The following SERPINA11 variants were observed in gnomAD, a reference collection of about 807,000 sequenced individuals.
SERPINA11 encodes serpin A11.
SERPINA11 carries 28 observed loss-of-function variants against 29.4 expected under a neutral mutation model. The ratio of observed to expected loss-of-function variants is 0.95; its 90% confidence interval spans 0.70 to 1.30. SERPINA11 has a LOEUF of 1.30. Ranked by LOEUF, SERPINA11 falls within the 50% of genes most tolerant of loss-of-function variation. The pLI is 0.00. For synonymous variants in SERPINA11, 253 were observed against 206.6 expected, an observed-to-expected ratio of 1.22 and a Z score of -1.92; for missense variants, 530 against 507.3, an observed-to-expected ratio of 1.04 and a Z score of -0.43.
chr14:94,442,864 G>A, intron 4 of SERPINA11, 55 bp from the exon 5 acceptor site: 2 of 1,429,488 alleles, frequency 1.4e-6, no homozygotes, highest in East Asian at 2.3e-5. Flanking sequence ...TCAAGGGGAA[G>A]ACACTGTATT....
Position 94,442,511 on chromosome 14 carries a change from A to G in SERPINA11, c.*95T>C, listed in dbSNP as rs1356329313. The G allele has an allele frequency of 3.5e-6, 3 of 851,410 alleles. No individual in the cohort carries two copies. The African/African-American group carries it at 5.1e-5, about 15-fold the overall frequency. 52.7% of individuals were successfully genotyped at this position (851,410 alleles called of 1,614,324 possible). A position where few individuals can be genotyped will look rare whatever the true frequency, so the allele number is the denominator to read the frequency against. On this transcript the variant is annotated 3_prime_UTR_variant, in exon 5 of 5. Transcript: ENST00000334708. ...TTATTAGAATCTTGGCACACTGATTAACTGAACCACATAGCAGCCCCAGGA... is the reference window on the plus strand; with the variant it reads ...TTATTAGAATCTTGGCACACTGATTGACTGAACCACATAGCAGCCCCAGGA...
At chr14:94,445,236 T>G (rs942402957) in intron 3 of SERPINA11, among the ~76,000 whole-genome samples, 1 of 152,162 alleles carries the variant, frequency 6.6e-6, no homozygotes, top group African/African-American at 2.4e-5. Context: ...AGTTAACCCA[T>G]AGAACCAAGG....
At chr14:94,449,419 T>TTC (rs1898526001) in intron 1 of SERPINA11, among the ~76,000 whole-genome samples, 1 of 67,006 alleles carries the variant, frequency 1.5e-5, no homozygotes, top group Non-Finnish European at 2.7e-5. Context: ...CTTTCTTTCT[T>TTC]TCTTTCTTTC....
chr14:94,446,354 T>A lies in SERPINA11; in HGVS notation c.894A>T (p.Lys298Asn). Reference sequence around the variant, plus strand: ...ACCTGGGCAGGAGCAATTGGCCCCATTTTCTCAGGGTCTGTGGCTGCAGAG... The same window carrying A: ...ACCTGGGCAGGAGCAATTGGCCCCAATTTCTCAGGGTCTGTGGCTGCAGAG... ...EAALQPQTLR[K>N]WGQLLLPSLL... The change falls in exon 3 of 5, where the codon AAA becomes AAT. Residue 298 changes from lysine to asparagine, a missense_variant. Lys to Asn is a moderately conservative substitution (Grantham distance 94). Coordinates refer to ENST00000334708, the MANE Select transcript of SERPINA11 (RefSeq NM_001080451.2). The A allele has an allele frequency of 6.2e-7, 1 of 1,613,506 alleles. No individual in the cohort carries two copies. Among genetic ancestry groups the A allele is most frequent in the Non-Finnish European group, 8.5e-7 (1 of 1,179,954 alleles).
At chr14:94,444,018 C>T (rs1230376456) in intron 3 of SERPINA11, among the ~76,000 whole-genome samples, 1 of 152,184 alleles carries the variant, frequency 6.6e-6, no homozygotes, top group East Asian at 1.9e-4. Context: ...CTCAGAAAAT[C>T]GAATTCAGGT....
At chr14:94,449,390 C>G (rs934976910) in intron 1 of SERPINA11, among the ~76,000 whole-genome samples, 1 of 97,112 alleles carries the variant, frequency 1.0e-5, no homozygotes, top group Non-Finnish European at 2.0e-5. Context: ...GCCTCCCTCC[C>G]TCTTTCTTTC....
chr14:94,450,640 T>C (rs951050109), intron 1 of SERPINA11, among the ~76,000 whole-genome samples: 1 of 152,338 alleles, frequency 6.6e-6, no homozygotes, highest in African/African-American at 2.4e-5. Context: ...CATGTAGTAT[T>C]TATTAAGATA....
Position 94,443,057 on chromosome 14 carries a change from C to T in SERPINA11, c.1065+21G>A, listed in dbSNP as rs370528270. 95 of 1,597,298 alleles carry T rather than the reference C, an allele frequency of 5.9e-5. 1 individual carries two copies. The African/African-American group carries it at 1.1e-3, about 18-fold the overall frequency. ...CTACCTACCCCCACCTGCCCACAAA[C>T]ATCCATGTTCACCACTTTACCTTGG... On this transcript the variant is annotated intron_variant, in intron 4 of 4. Transcript: ENST00000334708.
intron 1 of SERPINA11, among the ~76,000 whole-genome samples, chr14:94,451,254 G>A (rs1010524622): frequency 1.3e-5 from 2 of 152,228 alleles, no homozygotes; most frequent in Non-Finnish European, 2.9e-5. Context: ...TGTCAGGAGG[G>A]ACGAATGTGG....
At chr14:94,449,916 G>A (rs556094617) in intron 1 of SERPINA11, among the ~76,000 whole-genome samples, 37 of 152,318 alleles carry the variant, frequency 2.4e-4, no homozygotes, top group African/African-American at 8.9e-4. Context: ...AAAGGATGAT[G>A]TGCAAAGCCT....
rs1018080157 is a variant in SERPINA11 at position 94,452,421 on chromosome 14, G to A, written c.-4+308C>T. On this transcript the variant is annotated intron_variant, in intron 1 of 4. Coordinates refer to ENST00000334708, the MANE Select transcript of SERPINA11 (RefSeq NM_001080451.2). ...TTGTCATTGTGCTTTGGGTTGTATT[G>A]TTTCATTTTCTTGTCTAACTGGCAG... is the stretch of plus-strand genomic sequence containing the variant. Among the ~76,000 whole-genome samples, 49 of 151,844 alleles carry A rather than the reference G, an allele frequency of 3.2e-4. 1 individual carries two copies. The highest frequency in any genetic ancestry group is 1.2e-3 in the African/African-American group (49 of 41,450).
At position 94,448,375 on chromosome 14, in the gene SERPINA11, C is replaced by T. The variant is rs766702638; in HGVS notation, c.400G>A (p.Glu134Lys). 9.6e-5 allele frequency: 155 copies of T among 1,614,140 alleles called. No homozygotes were observed. In the South Asian group the frequency reaches 1.6e-3, roughly 17 times the overall value. ...HTLALPSPKL[E>K]LKVGNSLFLD... ...AACAGGGAGTTTCCTACTTTTAGTT[C>T]GAGTTTGGGGCTGGGCAGGGCAAGG... The change falls in exon 2 of 5, where the codon GAA becomes AAA. Residue 134 changes from glutamate to lysine, a missense_variant. By Grantham distance (56) the Glu-to-Lys change is moderately conservative (BLOSUM62 1). Transcript: ENST00000334708.
At chr14:94,451,524 G>T (rs1043185596) in intron 1 of SERPINA11, among the ~76,000 whole-genome samples, 18 of 152,172 alleles carry the variant, frequency 1.2e-4, no homozygotes, top group African/African-American at 4.1e-4. Context: ...ACTATTTCTG[G>T]TTTATTCTTT....
At position 94,448,308 on chromosome 14, in the gene SERPINA11, C is replaced by A. The variant is rs1282929332; in HGVS notation, c.467G>T (p.Ser156Ile). ...AAAAGCTCCATAAAGCTCCTTGATG[C>A]TGTCCAAATAGTGCTGCCGAGGCTT... ...RLKPRQHYLD[S>I]IKELYGAFAF... The change falls in exon 2 of 5, where the codon AGC (serine) becomes ATC (isoleucine). Residue 156 changes from serine (S) to isoleucine (I), a missense_variant. Physicochemically the swap from Ser to Ile is moderately radical, Grantham distance 142 (BLOSUM62 -2). Transcript: ENST00000334708. 2 of 1,614,230 alleles carry A rather than the reference C, an allele frequency of 1.2e-6. No homozygotes were observed.
At position 94,442,553 on chromosome 14, in the gene SERPINA11, C is replaced by T. The variant is rs978952920; in HGVS notation, c.*53G>A. ...GCCCCAGGATGCAGGCTGGTTCTGG[C>T]CTATCTGTTTGGTCCAGGATGAGAT... On this transcript the variant is annotated 3_prime_UTR_variant, in exon 5 of 5. Transcript: ENST00000334708. 8.1e-6 allele frequency: 11 copies of T among 1,365,782 alleles called. No homozygotes were observed. In the Admixed American group the frequency reaches 1.8e-4, roughly 22 times the overall value. The allele number at this position is 1,365,782 out of a possible 1,614,324, so 84.6% of individuals were successfully genotyped here.
intron 1 of SERPINA11, among the ~76,000 whole-genome samples, chr14:94,449,453 C>CTT (rs1566784682): frequency 8.8e-6 from 1 of 113,864 alleles, no homozygotes; most frequent in African/African-American, 5.0e-5. Flanking sequence ...TTCTTTCTTT[C>CTT]TTTCTTTCTT....
In SERPINA11 at chr14:94,448,461, A is replaced by G. The variant is rs1898491799; in HGVS notation, c.314T>C (p.Phe105Ser). 1 of 1,614,144 alleles carries G rather than the reference A, an allele frequency of 6.2e-7. No individual in the cohort carries two copies. The highest frequency in any genetic ancestry group is 8.5e-7 in the Non-Finnish European group (1 of 1,180,032). Residue 105 changes from phenylalanine (F) to serine (S), a missense_variant, in exon 2 of 5, where the codon TTC becomes TCC. Phe to Ser is a radical substitution (Grantham distance 155). Coordinates refer to ENST00000334708, the MANE Select transcript of SERPINA11 (RefSeq NM_001080451.2). ...TSALILEGLG[F>S]NLTETPEADI... The stretch of plus-strand genomic sequence containing the variant: ...GGCTTCAGGGGTTTCTGTGAGGTTG[A>G]ATCCCAGGCCCTCCAGGATCAGAGC...
chr14:94,450,723 C>T (rs1885066), intron 1 of SERPINA11, among the ~76,000 whole-genome samples: 22,312 of 152,166 alleles, frequency 0.15, 2,027 homozygotes, highest in South Asian at 0.27. Flanking sequence ...AGCCTTTATT[C>T]CACTTCCAGG....
intron 1 of SERPINA11, among the ~76,000 whole-genome samples, chr14:94,449,426 T>C (rs1331427919): frequency 2.2e-5 from 2 of 92,558 alleles, no homozygotes; most frequent in East Asian, 3.2e-4. Context: ...TCTTTCTTTC[T>C]TTCTTTCTTT....
Sources: gnomAD v4.1 joint callset for allele counts (sites outside exome capture counted in the v4.1 genomes callset) on GRCh38, gnomAD v4.1.1 for gene constraint, MANE v1.5 for transcripts, NCBI Gene and HGNC (gene_info 2026-07-23, HGNC 2026-07-21) for gene names.